Variants in SMARCA2 observed in about 807,000 individuals in gnomAD.
SMARCA2 encodes SWI/SNF related BAF chromatin remodeling complex subunit ATPase 2, also known as SWI/SNF-related matrix-associated actin-dependent regulator of chromatin subfamily A member 2.
In SMARCA2, 61 loss-of-function variants were observed where a neutral mutation model predicts 199.8. The observed-to-expected ratio is 0.31, with a 90% CI of 0.25 to 0.38. SMARCA2 has a LOEUF of 0.38. Ranked by LOEUF, SMARCA2 falls within the 10% of genes least tolerant of loss-of-function variation. The pLI is 1.00. For synonymous variants in SMARCA2, 935 were observed against 732.0 expected, an observed-to-expected ratio of 1.28 and a Z score of -4.48; for missense variants, 1,344 against 2,012.2, an observed-to-expected ratio of 0.67 and a Z score of 6.35.
At chr9:2,158,036 A>T (rs1357329178) in intron 27 of SMARCA2, 1 of 392,480 alleles carries the variant, frequency 2.5e-6, no homozygotes, top group Non-Finnish European at 4.5e-6. Flanking sequence ...CAGAACGTGC[A>T]CGCCGCTTTC....
chr9:2,139,244 C>A (rs1824351492), intron 27 of SMARCA2, among the ~76,000 whole-genome samples: 1 of 152,148 alleles, frequency 6.6e-6, no homozygotes, highest in Non-Finnish European at 1.5e-5. Context: ...GCCAGCCACA[C>A]CATGTGGGAG....
chr9:2,154,270 G>A (rs755464979), intron 27 of SMARCA2, among the ~76,000 whole-genome samples: 12 of 152,192 alleles, frequency 7.9e-5, no homozygotes, highest in African/African-American at 1.2e-4. Context: ...GCTGCTGCTG[G>A]CAGGGACAAT....
At chr9:2,085,063 C>G (rs1359759661) in intron 17 of SMARCA2, among the ~76,000 whole-genome samples, 2 of 152,096 alleles carry the variant, frequency 1.3e-5, no homozygotes, top group Non-Finnish European at 2.9e-5. Context: ...TATTCTACCT[C>G]TGCATTAAAC....
At chr9:2,144,754 T>C (rs1173702714) in intron 27 of SMARCA2, among the ~76,000 whole-genome samples, 1 of 152,202 alleles carries the variant, frequency 6.6e-6, no homozygotes, top group Admixed American at 6.5e-5. Context: ...AGTGAAGTTC[T>C]CTAGCAGCGA....
At chr9:2,154,901 C>T (rs978829336) in intron 27 of SMARCA2, among the ~76,000 whole-genome samples, 4 of 152,092 alleles carry the variant, frequency 2.6e-5, no homozygotes, top group South Asian at 2.1e-4. Flanking sequence ...AACAGACAAG[C>T]GGATGGAGTT....
intron 24 of SMARCA2, among the ~76,000 whole-genome samples, chr9:2,113,511 A>G (rs1364650857): frequency 6.6e-6 from 1 of 152,230 alleles, no homozygotes; most frequent in African/African-American, 2.4e-5. Flanking sequence ...TAATCCATCC[A>G]ATAATTACAG....
intron 23 of SMARCA2, among the ~76,000 whole-genome samples, chr9:2,107,410 T>C (rs554344127): frequency 1.3e-5 from 2 of 152,324 alleles, no homozygotes; most frequent in South Asian, 4.1e-4. Context: ...CTCCGCCTCC[T>C]GGGTTCAAGC....
At chr9:2,030,099 A>G (rs1317823623) in intron 2 of SMARCA2, among the ~76,000 whole-genome samples, 1 of 152,234 alleles carries the variant, frequency 6.6e-6, no homozygotes, top group African/African-American at 2.4e-5. Context: ...CCTTGGGATG[A>G]TATCACAGGT....
At chr9:2,026,467 A>G (rs768182575) in intron 1 of SMARCA2, among the ~76,000 whole-genome samples, 10 of 152,208 alleles carry the variant, frequency 6.6e-5, no homozygotes, top group Non-Finnish European at 1.3e-4. Flanking sequence ...ACTATGTATG[A>G]GTAATTACAA....
intron 10 of SMARCA2, 51 bp from the exon 11 acceptor site, chr9:2,073,161 T>A: frequency 1.9e-6 from 3 of 1,609,086 alleles, no homozygotes; most frequent in Non-Finnish European, 2.5e-6. Flanking sequence ...AGTACAGGAC[T>A]GGGGGAAGGT....
intron 29 of SMARCA2, among the ~76,000 whole-genome samples, chr9:2,171,154 G>A (rs1826228663): frequency 1.3e-5 from 2 of 152,236 alleles, no homozygotes; most frequent in South Asian, 4.1e-4. Flanking sequence ...GGTTGAGCTG[G>A]AGAGATGGAT....
intron 27 of SMARCA2, among the ~76,000 whole-genome samples, chr9:2,151,728 G>A (rs541730224): frequency 2.6e-5 from 4 of 151,808 alleles, no homozygotes; most frequent in Admixed American, 2.0e-4. Flanking sequence ...GCAAGACTTC[G>A]TATCAAAAAT....
At chr9:2,133,569 C>T (rs1267331677) in intron 27 of SMARCA2, among the ~76,000 whole-genome samples, 1 of 151,806 alleles carries the variant, frequency 6.6e-6, no homozygotes, top group East Asian at 1.9e-4. Flanking sequence ...AGGAATGAGC[C>T]ACCGCGCCTG....
At chr9:2,188,542 T>G (rs978650447) in intron 32 of SMARCA2, among the ~76,000 whole-genome samples, 1 of 152,244 alleles carries the variant, frequency 6.6e-6, no homozygotes, top group Non-Finnish European at 1.5e-5. Flanking sequence ...AGCTATATAT[T>G]TCATTATTTT....
chr9:2,040,009 G>C, intron 4 of SMARCA2, 109 bp downstream of exon 4: 1 of 1,531,714 alleles, frequency 6.5e-7, no homozygotes, highest in Non-Finnish European at 8.8e-7. Context: ...GTAGCCTTTT[G>C]TTATACCTCA....
intron 2 of SMARCA2, 30 bp downstream of exon 2, chr9:2,029,277 A>G: frequency 1.3e-6 from 2 of 1,585,452 alleles, no homozygotes; most frequent in Non-Finnish European, 8.6e-7. Flanking sequence ...TTCAAACTCA[A>G]CTTCTGATAA....
intron 29 of SMARCA2, among the ~76,000 whole-genome samples, chr9:2,175,048 CATG>C (rs1826480903): frequency 6.6e-6 from 1 of 150,876 alleles, no homozygotes; most frequent in African/African-American, 2.4e-5. Flanking sequence ...CGCTTTGAGT[CATG>C]AGCGCGTGTA....
chr9:2,023,008 A>C (rs1316100037), intron 1 of SMARCA2, among the ~76,000 whole-genome samples: 1 of 152,222 alleles, frequency 6.6e-6, no homozygotes, highest in Non-Finnish European at 1.5e-5. Flanking sequence ...TCTAACACTT[A>C]GGTTTTCTCG....
rs549487192 is a variant in SMARCA2, at chr9:2,190,410, A to G, written c.4595-856A>G. Among the ~76,000 whole-genome samples the G allele has an allele frequency of 1.6e-4, 25 of 152,356 alleles. No homozygotes were observed. The South Asian group carries it at 5.0e-3, about 30-fold the overall frequency. On this transcript the variant is annotated intron_variant, in intron 32 of 33. Coordinates refer to ENST00000349721, the MANE Select transcript of SMARCA2 (RefSeq NM_003070.5). Reference sequence around the variant, plus strand: ...TAAATAAATTATAGTATACCATACGATGGAAAATTTTCAGGTATTTAAAAG... The same window carrying G: ...TAAATAAATTATAGTATACCATACGGTGGAAAATTTTCAGGTATTTAAAAG...
Sources: allele counts gnomAD v4.1 joint callset (sites outside exome capture counted in the v4.1 genomes callset), GRCh38; gene constraint gnomAD v4.1.1; transcripts MANE v1.5; gene names NCBI Gene and HGNC (gene_info 2026-07-23, HGNC 2026-07-21).